The following PRKCH variants were observed in gnomAD, a reference collection of about 807,000 sequenced individuals.
PRKCH encodes the protein protein kinase C eta type.
Under a neutral mutation model 82.5 loss-of-function variants are expected in PRKCH, and 28 were observed. The ratio of observed to expected loss-of-function variants is 0.34; its 90% CI spans 0.25 to 0.47. The LOEUF is 0.47. PRKCH is among the 20% of genes least tolerant of loss of function. The pLI is 1.00. For synonymous variants in PRKCH, 322 were observed against 327.4 expected (o/e 0.98, Z 0.18); for missense variants, 705 against 881.8 (o/e 0.80, Z 2.54).
chr14:61,219,607 T>C (rs921369175), intron 1 of PRKCH, among the ~76,000 whole-genome samples: 12 of 152,252 alleles, frequency 7.9e-5, no homozygotes, highest in African/African-American at 2.7e-4. Flanking sequence ...AATGTTGTCA[T>C]TATATAGATC....
At chr14:61,381,215 A>G (rs1483590497) in intron 1 of PRKCH, among the ~76,000 whole-genome samples, 1 of 152,190 alleles carries the variant, frequency 6.6e-6, no homozygotes, top group Admixed American at 6.5e-5. Flanking sequence ...AGTTGTGATC[A>G]TGGCCTGGGG....
At chr14:61,305,405 A>ACTCCT (rs2045479576) in intron 1 of PRKCH, 1 of 150,354 alleles carries the variant, frequency 6.7e-6, no homozygotes, top group Non-Finnish European at 1.5e-5. Flanking sequence ...CTGGTCTTGA[A>ACTCCT]CTCCTGCCTC....
At chr14:61,455,833 C>T (rs1334941189) in intron 7 of PRKCH, among the ~76,000 whole-genome samples, 2 of 152,076 alleles carry the variant, frequency 1.3e-5, no homozygotes, top group Non-Finnish European at 2.9e-5. Flanking sequence ...AGTCACCTTG[C>T]CTTTAGGTAG....
chr14:61,346,353 C>G (rs1374155443), intron 1 of PRKCH, among the ~76,000 whole-genome samples: 1 of 152,146 alleles, frequency 6.6e-6, no homozygotes, highest in African/African-American at 2.4e-5. Context: ...ACAGTGAATT[C>G]CTAGGTAAAG....
chr14:61,472,695 A>G (rs578151444), intron 9 of PRKCH, among the ~76,000 whole-genome samples: 1 of 152,270 alleles, frequency 6.6e-6, no homozygotes, highest in East Asian at 1.9e-4. Context: ...TCCTGTCTCA[A>G]TTTTTTAAAA....
chr14:61,291,174 A>G (rs2045357764), intron 1 of PRKCH, among the ~76,000 whole-genome samples: 1 of 152,244 alleles, frequency 6.6e-6, no homozygotes, highest in Non-Finnish European at 1.5e-5. Context: ...TAAGTCCCTT[A>G]TAGAACATCT....
chr14:61,392,563 C>G (rs745973725), intron 2 of PRKCH, among the ~76,000 whole-genome samples: 5 of 152,052 alleles, frequency 3.3e-5, no homozygotes, highest in Admixed American at 6.5e-5. Flanking sequence ...CAGTTCCAGT[C>G]TTTTGTCCTG....
intron 1 of PRKCH, among the ~76,000 whole-genome samples, chr14:61,187,848 G>A (rs904089141): frequency 6.6e-6 from 1 of 152,210 alleles, no homozygotes; most frequent in African/African-American, 2.4e-5. Flanking sequence ...TGCATGCGGG[G>A]TGGGAAGAGG....
intron 1 of PRKCH, among the ~76,000 whole-genome samples, chr14:61,242,951 T>G (rs992812835): frequency 3.3e-5 from 5 of 152,128 alleles, no homozygotes; most frequent in African/African-American, 1.2e-4. Flanking sequence ...ATTCCTGGTG[T>G]TTATGGTCTA....
chr14:61,424,051 T>A (rs1882989465), intron 2 of PRKCH, among the ~76,000 whole-genome samples: 1 of 152,164 alleles, frequency 6.6e-6, no homozygotes. Context: ...TCCCACATAC[T>A]CTCTTTCTCA....
At chr14:61,542,976 G>C (rs975324836) in intron 12 of PRKCH, among the ~76,000 whole-genome samples, 16 of 152,116 alleles carry the variant, frequency 1.1e-4, no homozygotes, top group Non-Finnish European at 1.8e-4. Context: ...TTAAAATATA[G>C]GAAAATCTTC....
chr14:61,267,692 A>G (rs773290669), intron 1 of PRKCH, among the ~76,000 whole-genome samples: 14 of 152,224 alleles, frequency 9.2e-5, no homozygotes, highest in Non-Finnish European at 1.8e-4. Context: ...GTGGAAATTG[A>G]GTGAATACAC....
intron 1 of PRKCH, among the ~76,000 whole-genome samples, chr14:61,323,223 C>CT (rs1190086749): frequency 6.6e-6 from 1 of 152,114 alleles, no homozygotes; most frequent in Non-Finnish European, 1.5e-5. Context: ...TGACGTGTAG[C>CT]TACCCGCAGC....
intron 1 of PRKCH, among the ~76,000 whole-genome samples, chr14:61,383,522 A>G (rs1714135700): frequency 6.6e-6 from 1 of 152,118 alleles, no homozygotes; most frequent in African/African-American, 2.4e-5. Context: ...GGAGGGATCA[A>G]TGTGAATATC....
rs760289224 is a variant in PRKCH, at chr14:61,322,388, A to G, written c.287A>G (p.His96Arg). Residue 96 changes from histidine (H) to arginine (R), a missense_variant, in exon 1 of 14, where the codon CAC becomes CGC. By Grantham distance (29) the His-to-Arg change is conservative. Coordinates refer to ENST00000332981, the MANE Select transcript of PRKCH (RefSeq NM_006255.5). ...VFHETPLGYD[H>R]FVANCTLQFQ... is the part of the protein sequence containing the mutation. ...CACGAGACGCCCCTGGGCTACGACC[A>G]CTTCGTGGCCAACTGCACCCTGCAG... is the stretch of plus-strand genomic sequence containing the variant. The G allele has an allele frequency of 2.5e-6, 4 of 1,612,590 alleles. No individual in the cohort carries two copies. Among genetic ancestry groups the G allele is most frequent in the Non-Finnish European group, 3.4e-6 (4 of 1,179,366 alleles).
At chr14:61,343,526 C>T (rs890238022) in intron 1 of PRKCH, among the ~76,000 whole-genome samples, 1 of 152,080 alleles carries the variant, frequency 6.6e-6, no homozygotes, top group Non-Finnish European at 1.5e-5. Context: ...TGTGATAGAA[C>T]CAGGACTAGA....
At chr14:61,441,403 A>G (rs1342731282) in intron 2 of PRKCH, among the ~76,000 whole-genome samples, 4 of 152,270 alleles carry the variant, frequency 2.6e-5, no homozygotes, top group Admixed American at 2.6e-4. Flanking sequence ...TACTGACAGG[A>G]TGGGGATGCC....
rs369569753 is a variant in PRKCH at position 61,540,294 on chromosome 14, G to A, written c.1762-7449G>A. Among the ~76,000 whole-genome samples, 4 of 152,340 alleles carry A rather than the reference G, an allele frequency of 2.6e-5. No individual in the cohort carries two copies. In the South Asian group the frequency reaches 6.2e-4, roughly 24 times the overall value. On this transcript the variant is annotated intron_variant, in intron 12 of 13. Coordinates refer to ENST00000332981, the MANE Select transcript of PRKCH (RefSeq NM_006255.5). ...CAACACAAGGAAACACACAGAGTGCGTGAATTCTCATCAGATGAAGTCCTG... is the reference window on the plus strand; with the variant it reads ...CAACACAAGGAAACACACAGAGTGCATGAATTCTCATCAGATGAAGTCCTG...
chr14:61,215,752 G>A (rs534954601), intron 1 of PRKCH, among the ~76,000 whole-genome samples: 11 of 152,310 alleles, frequency 7.2e-5, no homozygotes, highest in South Asian at 2.1e-4. Flanking sequence ...GTACGACCCT[G>A]CTATAGCTAT....
Sources: gnomAD v4.1 joint callset for allele counts (sites outside exome capture counted in the v4.1 genomes callset) on GRCh38, gnomAD v4.1.1 for gene constraint, MANE v1.5 for transcripts, NCBI Gene and HGNC (gene_info 2026-07-23, HGNC 2026-07-21) for gene names.